BDKRB2: variants seen among roughly 807,000 people sequenced by gnomAD.
BDKRB2 encodes bradykinin receptor B2, also known as B2 bradykinin receptor.
Under a neutral mutation model 4.0 loss-of-function variants are expected in BDKRB2, and 6 were observed. The observed-to-expected ratio is 1.49, with a 90% CI of 0.81 to 2.93. The LOEUF is 2.93. Among genes scored for constraint, BDKRB2 ranks in the 30% most tolerant of loss-of-function variants. The pLI is 0.00. For missense variants in BDKRB2, 478 were observed against 520.1 expected (o/e 0.92, Z 0.79); for synonymous variants, 225 against 215.3 (o/e 1.05, Z -0.40).
In BDKRB2 at chr14:96,240,703, TG is replaced by T; in HGVS notation, c.379del (p.Glu127ArgfsTer7). 1.2e-6 allele frequency: 2 copies of T among 1,601,416 alleles called. No homozygotes were observed. Among genetic ancestry groups the T allele is most frequent in the Non-Finnish European group, 8.5e-7 (1 of 1,174,490 alleles). Reference protein sequence around the residue: ...TISNNFDWLFGETLCRVVNAI... With the variant: ...TISNNFDWLFXETLCRVVNAI... ...TCTCCAACAACTTCGACTGGCTCTTTGGGGAGACGCTCTGCCGCGTGGTGAA... is the reference window on the plus strand; with the variant it reads ...TCTCCAACAACTTCGACTGGCTCTTTGGGAGACGCTCTGCCGCGTGGTGAA... On this transcript the variant is annotated frameshift_variant, in exon 3 of 3. Coordinates refer to ENST00000554311, the MANE Select transcript of BDKRB2 (RefSeq NM_001379692.1). LOFTEE classifies it low-confidence loss of function (END_TRUNC).
chr14:96,239,211 T>C, intron 2 of BDKRB2: 4 of 985,178 alleles, frequency 4.1e-6, no homozygotes, highest in Non-Finnish European at 4.8e-6. Flanking sequence ...CTCTGGGTTG[T>C]GCTTTGGACT....
chr14:96,240,565 C>A lies in BDKRB2; in HGVS notation c.237C>A (p.Leu79=), dbSNP rs536986869. ...CCACCCTAGAGAACATCTTTGTCCTCAGCGTCTTCTGCCTGCACAAGAGCA... is the reference window on the plus strand; with the variant it reads ...CCACCCTAGAGAACATCTTTGTCCTAAGCGTCTTCTGCCTGCACAAGAGCA... ...VLATLENIFV[L]SVFCLHKSSC... Residue 79 remains leucine (L), a synonymous_variant, in exon 3 of 3, where the codon CTC becomes CTA. Transcript: ENST00000554311. The A allele has an allele frequency of 5.1e-6, 8 of 1,572,198 alleles. No individual in the cohort carries two copies. The South Asian group carries it at 9.6e-5, about 19-fold the overall frequency.
chr14:96,216,537 C>T lies in BDKRB2; in HGVS notation c.-40+11578C>T, dbSNP rs904481355. On this transcript the variant is annotated intron_variant, in intron 1 of 2. Coordinates refer to ENST00000554311, the MANE Select transcript of BDKRB2 (RefSeq NM_001379692.1). ...GCTTGGAAGGATGAGGTGGGAGGAT[C>T]GCTTGAACCCGGTGGGTAGAGGCTA... Among the ~76,000 whole-genome samples the T allele has an allele frequency of 4.6e-5, 7 of 151,560 alleles. No individual in the cohort carries two copies. In the East Asian group the frequency reaches 1.4e-3, roughly 29 times the overall value.
chr14:96,216,946 G>A lies in BDKRB2; in HGVS notation c.-40+11987G>A, dbSNP rs1216238274. 7.2e-5 allele frequency among the ~76,000 whole-genome samples: 11 copies of A among 152,308 alleles called. No homozygotes were observed. The South Asian group carries it at 2.3e-3, about 32-fold the overall frequency. On this transcript the variant is annotated intron_variant, in intron 1 of 2. Coordinates refer to ENST00000554311, the MANE Select transcript of BDKRB2 (RefSeq NM_001379692.1). ...TGAACCAGAAAGCCCAAGGAGTGAGGGGCTGTGGCATTGAGTGGGGTAGCT... is the reference window on the plus strand; with the variant it reads ...TGAACCAGAAAGCCCAAGGAGTGAGAGGCTGTGGCATTGAGTGGGGTAGCT...
chr14:96,211,078 C>T (rs1297480023), intron 1 of BDKRB2: 3 of 152,260 alleles, frequency 2.0e-5, no homozygotes, highest in Non-Finnish European at 2.9e-5. Flanking sequence ...GTTAAATGCA[C>T]ACAGCTCACA....
intron 1 of BDKRB2, among the ~76,000 whole-genome samples, chr14:96,212,600 G>A (rs1890326193): frequency 6.6e-6 from 1 of 152,142 alleles, no homozygotes; most frequent in African/African-American, 2.4e-5. Flanking sequence ...CAGAGAATTA[G>A]AATAAGTTGA....
chr14:96,210,817 A>G (rs947292778), intron 1 of BDKRB2: 2 of 152,190 alleles, frequency 1.3e-5, no homozygotes, highest in Non-Finnish European at 2.9e-5. Flanking sequence ...ACTTGCTAAT[A>G]TCTCAGGGGA....
At chr14:96,230,315 A>G (rs1890789014) in intron 1 of BDKRB2, among the ~76,000 whole-genome samples, 3 of 152,256 alleles carry the variant, frequency 2.0e-5, no homozygotes, top group South Asian at 4.1e-4. Flanking sequence ...TGGATGTGGC[A>G]TACATAAACA....
rs1285642632 is a variant in BDKRB2, at chr14:96,241,572, C to T, written c.*68C>T. 7 of 1,485,922 alleles carry T rather than the reference C, an allele frequency of 4.7e-6. No individual in the cohort carries two copies. Among genetic ancestry groups the T allele is most frequent in the South Asian group, 4.2e-5 (3 of 71,904 alleles). The allele number at this position is 1,485,922 out of a possible 1,614,324, so 92.0% of individuals were successfully genotyped here. A position where few individuals can be genotyped will look rare whatever the true frequency, so the allele number is the denominator to read the frequency against. On this transcript the variant is annotated 3_prime_UTR_variant, in exon 3 of 3. Transcript: ENST00000554311. ...GGGACAGTTGCTTTTCAGCATGGGC[C>T]CAGGAATGCCAAGGAGACATCTATG...
At chr14:96,237,309 G>A (rs923497308) in intron 2 of BDKRB2, 128 bp downstream of exon 2, 144 of 868,066 alleles carry the variant, frequency 1.7e-4, no homozygotes, top group Non-Finnish European at 2.3e-4. Flanking sequence ...TAAGCCCAAA[G>A]ACAAAACCTC....
rs535745077 is a variant in BDKRB2, at chr14:96,206,966, G to A, written c.-40+2007G>A. ...ACCTTCTATGCATCCTCATATGGTG[G>A]AAGGGTGAACACGCTCTCCCAGGCC... is the stretch of plus-strand genomic sequence containing the variant. On this transcript the variant is annotated intron_variant, in intron 1 of 2. Transcript: ENST00000554311. Among the ~76,000 whole-genome samples, 10 of 152,244 alleles carry A rather than the reference G, an allele frequency of 6.6e-5. No individual in the cohort carries two copies. The East Asian group carries it at 1.7e-3, about 27-fold the overall frequency.
chr14:96,234,500 G>A (rs921698445), intron 1 of BDKRB2, among the ~76,000 whole-genome samples: 2 of 152,162 alleles, frequency 1.3e-5, no homozygotes, highest in South Asian at 4.1e-4. Flanking sequence ...CTCCCAAGCA[G>A]GGGCCACAGA....
intron 1 of BDKRB2, among the ~76,000 whole-genome samples, chr14:96,208,989 G>A (rs567126896): frequency 1.6e-4 from 24 of 152,290 alleles, no homozygotes; most frequent in African/African-American, 4.3e-4. Flanking sequence ...CAGCCCCGTC[G>A]CTTCTGTGGT....
intron 2 of BDKRB2, chr14:96,240,010 T>C (rs1885229122): frequency 9.9e-6 from 10 of 1,005,222 alleles, no homozygotes; most frequent in Non-Finnish European, 1.2e-5. Context: ...CACACGGCTT[T>C]GAGAGGCTCA....
Position 96,240,453 on chromosome 14 carries a change from TTGC to T in BDKRB2, c.126_128del (p.Ala43del), listed in dbSNP as rs754936833. On this transcript the variant is annotated inframe_deletion, in exon 3 of 3. Transcript: ENST00000554311. The stretch of plus-strand genomic sequence containing the variant: ...CAAGGGCCCACTCTTAACGGGACCT[TTGC>T]CCAGAGCAAATGCCCCCAAGTGGAG... The T allele has an allele frequency of 6.6e-6, 10 of 1,507,118 alleles. No individual in the cohort carries two copies. In the Admixed American group the frequency reaches 1.7e-4, roughly 25 times the overall value. The allele number at this position is 1,507,118 out of a possible 1,614,324, so 93.4% of individuals were successfully genotyped here.
At chr14:96,217,790 G>A (rs77693330) in intron 1 of BDKRB2, among the ~76,000 whole-genome samples, 7,346 of 152,228 alleles carry the variant, frequency 0.048, 228 homozygotes, top group Middle Eastern at 0.078. Context: ...CTAAGGAGGC[G>A]GCCCTATAAC....
intron 1 of BDKRB2, chr14:96,223,492 A>G (rs1890625036): frequency 1.6e-6 from 1 of 613,084 alleles, no homozygotes; most frequent in Non-Finnish European, 3.0e-6. Context: ...TGTGCTGGTA[A>G]CTGCTTTGCT....
intron 1 of BDKRB2, among the ~76,000 whole-genome samples, chr14:96,216,259 C>G (rs1890414299): frequency 6.6e-6 from 1 of 152,114 alleles, no homozygotes; most frequent in Admixed American, 6.5e-5. Flanking sequence ...CTCCTACCAA[C>G]TGAGCTACAA....
intron 1 of BDKRB2, among the ~76,000 whole-genome samples, chr14:96,208,571 A>G (rs929767597): frequency 5.9e-5 from 9 of 152,192 alleles, no homozygotes; most frequent in Non-Finnish European, 1.3e-4. Context: ...TGTCAGGCAC[A>G]CTGCAGGAGC....
Sources: gnomAD v4.1 joint callset for allele counts (sites outside exome capture counted in the v4.1 genomes callset) on GRCh38, gnomAD v4.1.1 for gene constraint, MANE v1.5 for transcripts, NCBI Gene and HGNC (gene_info 2026-07-23, HGNC 2026-07-21) for gene names.